FTO: variants seen among roughly 807,000 people sequenced by gnomAD.
FTO encodes the protein alpha-ketoglutarate-dependent dioxygenase FTO.
Under a neutral mutation model 63.9 loss-of-function variants are expected in FTO, and 47 were observed. That is an observed-to-expected ratio of 0.74 (90% CI 0.58 to 0.94). The LOEUF is 0.94. Among genes scored for constraint, FTO ranks in the 40% least tolerant of loss-of-function variants. The pLI, the probability that FTO is intolerant of heterozygous loss-of-function variation, is 0.00. For missense variants in FTO, 562 were observed against 618.1 expected (o/e 0.91, Z 0.96); for synonymous variants, 207 against 224.4 (o/e 0.92, Z 0.69).
intron 8 of FTO, chr16:53,993,993 T>A (rs879848411): frequency 6.6e-6 from 1 of 152,366 alleles, no homozygotes; most frequent in South Asian, 2.1e-4. Flanking sequence ...AAGCTCTTTG[T>A]GTTTATAAAC....
chr16:54,077,371 C>T (rs1170318726), intron 8 of FTO, among the ~76,000 whole-genome samples: 2 of 152,098 alleles, frequency 1.3e-5, no homozygotes, highest in Admixed American at 6.5e-5. Context: ...AGCCCCAGAC[C>T]AAGCCCAGTA....
At chr16:53,713,078 G>A (rs2075814120) in intron 1 of FTO, among the ~76,000 whole-genome samples, 1 of 151,646 alleles carries the variant, frequency 6.6e-6, no homozygotes, top group Admixed American at 6.6e-5. Flanking sequence ...ACTTGTTATT[G>A]GTCAGTAGAC....
chr16:53,845,813 C>T (rs1319730797), intron 4 of FTO, among the ~76,000 whole-genome samples: 1 of 152,142 alleles, frequency 6.6e-6, no homozygotes, highest in African/African-American at 2.4e-5. Context: ...TTAATGTCTG[C>T]AGGAGGATTG....
chr16:53,879,903 C>CG lies in FTO; in HGVS notation c.1035_1036insG (p.Cys346ValfsTer2). ...GCTGTCAGTTGGCTCTGCAGAATGT[C>CG]TGTGACGATGTGGACAATGATGATG... On this transcript the variant is annotated frameshift_variant, in exon 6 of 9. Transcript: ENST00000471389. LOFTEE classifies it high-confidence loss of function. 1 of 1,613,744 alleles carries CG rather than the reference C, an allele frequency of 6.2e-7. No homozygotes were observed. Among genetic ancestry groups the CG allele is most frequent in the Non-Finnish European group, 8.5e-7 (1 of 1,179,806 alleles).
intron 8 of FTO, among the ~76,000 whole-genome samples, chr16:54,088,353 C>T (rs910199317): frequency 1.3e-5 from 2 of 152,154 alleles, no homozygotes; most frequent in Non-Finnish European, 2.9e-5. Context: ...TAGTATCATT[C>T]CTTCAGTGAT....
chr16:53,756,774 G>T (rs374476074), intron 1 of FTO, among the ~76,000 whole-genome samples: 14 of 152,266 alleles, frequency 9.2e-5, no homozygotes, highest in African/African-American at 3.4e-4. Context: ...AGAATAGCAG[G>T]ATCTTGTCTT....
At chr16:53,736,908 C>G (rs2076401505) in intron 1 of FTO, among the ~76,000 whole-genome samples, 1 of 152,180 alleles carries the variant, frequency 6.6e-6, no homozygotes, top group South Asian at 2.1e-4. Flanking sequence ...ATTCCCCTCC[C>G]CCAGATTTAT....
intron 8 of FTO, among the ~76,000 whole-genome samples, chr16:54,107,009 A>G (rs1377627257): frequency 1.4e-5 from 2 of 145,834 alleles, no homozygotes; most frequent in South Asian, 2.1e-4. Flanking sequence ...TACATATTAT[A>G]TATTATACAT....
At chr16:53,720,546 G>A (rs374150146) in intron 1 of FTO, among the ~76,000 whole-genome samples, 12 of 149,882 alleles carry the variant, frequency 8.0e-5, no homozygotes, top group Middle Eastern at 7.0e-3. Flanking sequence ...ATAAGATCAG[G>A]ATAATTAGCA....
chr16:54,031,700 G>T (rs2084836158), intron 8 of FTO, among the ~76,000 whole-genome samples: 1 of 152,108 alleles, frequency 6.6e-6, no homozygotes, highest in Non-Finnish European at 1.5e-5. Flanking sequence ...CTGTGACCAT[G>T]AGCTATGTGA....
At chr16:53,771,337 A>C (rs563036524) in intron 1 of FTO, among the ~76,000 whole-genome samples, 44 of 152,216 alleles carry the variant, frequency 2.9e-4, no homozygotes, top group Non-Finnish European at 3.5e-4. Flanking sequence ...CCCATCAGCA[A>C]ATTCTGTTGC....
intron 7 of FTO, among the ~76,000 whole-genome samples, chr16:53,905,970 A>G (rs2081528033): frequency 6.6e-6 from 1 of 152,188 alleles, no homozygotes; most frequent in South Asian, 2.1e-4. Context: ...AAAAGATTCA[A>G]TAATTATCCA....
chr16:53,925,136 T>C (rs772701828), intron 7 of FTO, among the ~76,000 whole-genome samples: 4 of 151,460 alleles, frequency 2.6e-5, no homozygotes, highest in Non-Finnish European at 5.9e-5. Context: ...GGAGCCCTGG[T>C]TGGGGCTTTT....
At position 53,873,824 on chromosome 16, in the gene FTO, G is replaced by A. The variant is rs1567384728; in HGVS notation, c.934G>A (p.Gly312Ser). The change falls in exon 5 of 9, where the codon GGT becomes AGT. Residue 312 changes from glycine to serine, a missense_variant. Gly to Ser is a moderately conservative substitution (Grantham distance 56). Coordinates refer to ENST00000471389, the MANE Select transcript of FTO (RefSeq NM_001080432.3). ...NATHQHCVLA[G>S]SQPRFSSTHR... ...CACCCACCAACACTGTGTTTTGGCCGGTTCACAACCTCGGTTTAGTTCCAC... is the reference window on the plus strand; with the variant it reads ...CACCCACCAACACTGTGTTTTGGCCAGTTCACAACCTCGGTTTAGTTCCAC... The A allele has an allele frequency of 1.4e-5, 22 of 1,612,886 alleles. No individual in the cohort carries two copies. Among genetic ancestry groups the A allele is most frequent in the South Asian group, 7.7e-5 (7 of 91,068 alleles).
At chr16:54,001,040 T>C (rs16952770) in intron 8 of FTO, among the ~76,000 whole-genome samples, 18,669 of 152,196 alleles carry the variant, frequency 0.12, 1,464 homozygotes, top group Admixed American at 0.26. Context: ...ACTTCGGAGT[T>C]TGGCTATTCC....
chr16:53,764,796 T>G (rs1241190365), intron 1 of FTO, among the ~76,000 whole-genome samples: 1 of 152,184 alleles, frequency 6.6e-6, no homozygotes. Flanking sequence ...CTTGGTTCAC[T>G]GCAACCTCTG....
intron 8 of FTO, among the ~76,000 whole-genome samples, chr16:53,990,152 C>T (rs562785400): frequency 6.6e-6 from 1 of 152,138 alleles, no homozygotes; most frequent in East Asian, 1.9e-4. Context: ...GGTCGAGTGC[C>T]CCAATCCCTA....
At chr16:54,018,476 A>G (rs748298113) in intron 8 of FTO, among the ~76,000 whole-genome samples, 4 of 152,024 alleles carry the variant, frequency 2.6e-5, no homozygotes, top group Admixed American at 1.3e-4. Flanking sequence ...GTGTGTGTGT[A>G]TGTGTGTGTT....
At chr16:54,005,619 A>G (rs1288899690) in intron 8 of FTO, among the ~76,000 whole-genome samples, 3 of 152,206 alleles carry the variant, frequency 2.0e-5, no homozygotes, top group Non-Finnish European at 4.4e-5. Context: ...GTTAAGTAGC[A>G]TGCCAAGCTT....
Sources: gnomAD v4.1 joint callset for allele counts (sites outside exome capture counted in the v4.1 genomes callset) on GRCh38, gnomAD v4.1.1 for gene constraint, MANE v1.5 for transcripts, NCBI Gene and HGNC (gene_info 2026-07-23, HGNC 2026-07-21) for gene names.